ESRRG: variants seen among roughly 807,000 people sequenced by gnomAD.
ESRRG encodes the protein estrogen related receptor gamma.
Under a neutral mutation model 44.0 loss-of-function variants are expected in ESRRG, and 13 were observed. The observed-to-expected ratio is 0.30, with a 90% CI of 0.19 to 0.47. The LOEUF (loss-of-function observed/expected upper bound fraction) is 0.47, where lower values mean the gene tolerates loss of function less well. ESRRG is among the 20% of genes least tolerant of loss of function. The pLI is 1.00. For missense variants in ESRRG, 395 were observed against 580.6 expected (o/e 0.68, Z 3.29); for synonymous variants, 215 against 214.6 (o/e 1.00, Z -0.02).
chr1:217,005,824 A>C (rs2077672943), intron 1 of ESRRG, among the ~76,000 whole-genome samples: 1 of 152,066 alleles, frequency 6.6e-6, no homozygotes. Flanking sequence ...TAGCCTATAC[A>C]AATTTATAGG....
At chr1:216,915,888 C>A (rs1413217168) in intron 2 of ESRRG, among the ~76,000 whole-genome samples, 1 of 152,124 alleles carries the variant, frequency 6.6e-6, no homozygotes, top group Non-Finnish European at 1.5e-5. Context: ...GTGATAGTAC[C>A]CTCGTTGGCA....
At chr1:216,509,947 C>A (rs975284381) in intron 6 of ESRRG, among the ~76,000 whole-genome samples, 1 of 152,134 alleles carries the variant, frequency 6.6e-6, no homozygotes, top group African/African-American at 2.4e-5. Flanking sequence ...TGACACCAGG[C>A]TCAATAGAAC....
chr1:216,911,107 A>G (rs2060251414), intron 2 of ESRRG, among the ~76,000 whole-genome samples: 1 of 152,184 alleles, frequency 6.6e-6, no homozygotes, highest in Non-Finnish European at 1.5e-5. Flanking sequence ...TTGCAAAGAA[A>G]AGGAAAAAAG....
intron 4 of ESRRG, 110 bp from the exon 5 acceptor site, chr1:216,564,490 C>T (rs545087437): frequency 2.8e-5 from 22 of 792,364 alleles, no homozygotes; most frequent in South Asian, 8.6e-5. Flanking sequence ...CTACAATAAA[C>T]GCTAAATATT....
At position 216,506,897 on chromosome 1, in the gene ESRRG, C is replaced by T; in HGVS notation, c.*42G>A. 6.3e-7 allele frequency: 1 copy of T among 1,582,020 alleles called. No homozygotes were observed. The highest frequency in any genetic ancestry group is 8.6e-7 in the Non-Finnish European group (1 of 1,166,664). Reference sequence around the variant, plus strand: ...GACATCACTCTTGGGTTTATTTTCCCTTTTTCAACATGAAGGATGGGAAGG... The same window carrying T: ...GACATCACTCTTGGGTTTATTTTCCTTTTTTCAACATGAAGGATGGGAAGG... On this transcript the variant is annotated 3_prime_UTR_variant, in exon 7 of 7. Transcript: ENST00000408911.
intron 1 of ESRRG, among the ~76,000 whole-genome samples, chr1:216,994,647 T>G (rs1030979196): frequency 1.3e-5 from 2 of 152,214 alleles, no homozygotes; most frequent in African/African-American, 4.8e-5. Flanking sequence ...AGTGGCGCTA[T>G]GTCGGCTCAC....
chr1:217,130,838 C>G (rs1413546529), intron 1 of ESRRG, among the ~76,000 whole-genome samples: 2 of 151,996 alleles, frequency 1.3e-5, no homozygotes, highest in Non-Finnish European at 2.9e-5. Flanking sequence ...ATTCATCAAG[C>G]CTTCCTGAAA....
At chr1:216,635,135 C>A in intron 3 of ESRRG, among the ~76,000 whole-genome samples, 1 of 152,140 alleles carries the variant, frequency 6.6e-6, no homozygotes, top group East Asian at 1.9e-4. Context: ...AAGTGCCACA[C>A]AGAATCCTGA....
chr1:216,588,576 A>G (rs1026485412), intron 3 of ESRRG, among the ~76,000 whole-genome samples: 5 of 152,214 alleles, frequency 3.3e-5, no homozygotes, highest in African/African-American at 9.6e-5. Context: ...AAGCACTTTC[A>G]TAGATCATCT....
At chr1:216,509,419 G>A (rs1433919304) in intron 6 of ESRRG, among the ~76,000 whole-genome samples, 1 of 152,074 alleles carries the variant, frequency 6.6e-6, no homozygotes, top group Non-Finnish European at 1.5e-5. Flanking sequence ...TCTATCATTT[G>A]GTCCTGTTTC....
At chr1:217,067,820 T>C (rs1433920981) in intron 1 of ESRRG, among the ~76,000 whole-genome samples, 1 of 152,106 alleles carries the variant, frequency 6.6e-6, no homozygotes, top group African/African-American at 2.4e-5. Context: ...GATAACCACA[T>C]GACTAATAAA....
chr1:217,055,648 G>A (rs1179795797), intron 1 of ESRRG, among the ~76,000 whole-genome samples: 1 of 152,036 alleles, frequency 6.6e-6, no homozygotes, highest in East Asian at 1.9e-4. Flanking sequence ...CTCCAGGTTG[G>A]CCACTTCTGG....
At chr1:216,739,711 G>T (rs535816573) in intron 2 of ESRRG, among the ~76,000 whole-genome samples, 5 of 152,224 alleles carry the variant, frequency 3.3e-5, no homozygotes. Context: ...AGATTTAGAA[G>T]AAATGAAAAC....
At chr1:217,088,311 G>A (rs2801185) in intron 1 of ESRRG, among the ~76,000 whole-genome samples, 105,698 of 151,342 alleles carry the variant, frequency 0.7, 37,064 homozygotes, top group South Asian at 0.8. Flanking sequence ...TAAAGTATTA[G>A]GCAGGAGTGT....
chr1:217,010,291 G>C (rs2078381992), intron 1 of ESRRG, among the ~76,000 whole-genome samples: 1 of 152,080 alleles, frequency 6.6e-6, no homozygotes, highest in Admixed American at 6.6e-5. Context: ...GCCAATTTCT[G>C]GGTCTGAAAA....
chr1:216,789,714 G>A (rs982665001), intron 2 of ESRRG, among the ~76,000 whole-genome samples: 34 of 152,106 alleles, frequency 2.2e-4, no homozygotes, highest in African/African-American at 8.0e-4. Context: ...ACTGTAGCAA[G>A]GCTGAACTAG....
chr1:216,830,945 C>G (rs1316171051), intron 2 of ESRRG, among the ~76,000 whole-genome samples: 1 of 151,918 alleles, frequency 6.6e-6, no homozygotes, highest in Admixed American at 6.6e-5. Flanking sequence ...TGGGCGTGCT[C>G]TCACCTCCTA....
intron 1 of ESRRG, among the ~76,000 whole-genome samples, chr1:217,128,907 T>C (rs1336761366): frequency 6.6e-6 from 1 of 152,006 alleles, no homozygotes; most frequent in East Asian, 1.9e-4. Context: ...CAGGCGGAGG[T>C]AGGAGGATCA....
chr1:216,516,818 T>C (rs1857394), intron 6 of ESRRG, among the ~76,000 whole-genome samples: 151,902 of 152,266 alleles, frequency 1, 75,770 homozygotes, highest in Middle Eastern at 1. Flanking sequence ...CTTGGATCTA[T>C]AACTTTATTG....
Sources: gnomAD v4.1 joint callset for allele counts (sites outside exome capture counted in the v4.1 genomes callset) on GRCh38, gnomAD v4.1.1 for gene constraint, MANE v1.5 for transcripts, NCBI Gene and HGNC (gene_info 2026-07-23, HGNC 2026-07-21) for gene names.